Variants in CDKL5 observed in about 807,000 individuals in gnomAD.
CDKL5 encodes cyclin-dependent kinase-like 5.
CDKL5 carries 8 observed loss-of-function variants against 61.7 expected under a neutral mutation model. The ratio of observed to expected loss-of-function variants is 0.13; its 90% CI spans 0.08 to 0.23. The LOEUF (loss-of-function observed/expected upper bound fraction) is 0.23. Among genes scored for constraint, CDKL5 ranks in the 10% least tolerant of loss-of-function variants. CDKL5 has a pLI of 1.00. For synonymous variants in CDKL5, 275 were observed against 272.3 expected, an observed-to-expected ratio of 1.01 and a Z score of -0.10; for missense variants, 440 against 734.5, an observed-to-expected ratio of 0.60 and a Z score of 4.63.
intron 1 of CDKL5, among the ~76,000 whole-genome samples, chrX:18,470,610 T>C (rs922965160): frequency 9.0e-6 from 1 of 110,897 alleles, no homozygotes; most frequent in African/African-American, 3.3e-5. Context: ...ACTTATATGG[T>C]AATCAGACTG....
intron 20 of CDKL5, chrX:18,650,290 A>T: frequency 3.1e-6 from 2 of 635,683 alleles, no homozygotes; most frequent in Non-Finnish European, 5.2e-6. Flanking sequence ...TGGATGCTGT[A>T]CTTACTCCCC....
intron 1 of CDKL5, among the ~76,000 whole-genome samples, chrX:18,433,401 T>G (rs929291642): frequency 9.0e-6 from 1 of 110,960 alleles, no homozygotes; most frequent in African/African-American, 3.3e-5. Context: ...AAATACAAAA[T>G]TAGCCGGGCC....
At chrX:18,590,882 A>C (rs1301784950) in intron 9 of CDKL5, among the ~76,000 whole-genome samples, 1 of 111,852 alleles carries the variant, frequency 8.9e-6, no homozygotes, top group Non-Finnish European at 1.9e-5. Context: ...AATCAATCTA[A>C]ACTCCTTGCC....
At chrX:18,647,986 G>A (rs994608984) in intron 20 of CDKL5, among the ~76,000 whole-genome samples, 14 of 111,657 alleles carry the variant, frequency 1.3e-4, no homozygotes, top group African/African-American at 3.9e-4. Flanking sequence ...CCCAAAGGTG[G>A]TTCTTCTGTG....
At chrX:18,653,276 GA>G (rs771716703) in intron 21 of CDKL5, among the ~76,000 whole-genome samples, 5 of 111,901 alleles carry the variant, frequency 4.5e-5, no homozygotes, top group African/African-American at 6.5e-5. Context: ...GGAAGAGACA[GA>G]GCTTTTAGTA....
chrX:18,630,066 G>A lies in CDKL5; in HGVS notation c.*1309G>A. On this transcript the variant is annotated 3_prime_UTR_variant, in exon 18 of 18. Transcript: ENST00000623535. Reference sequence around the variant, plus strand: ...ATTTCTGAATGCCTTTTTTGCTATTGCTCTCTCCAATACCATATTTAAAAG... The same window carrying A: ...ATTTCTGAATGCCTTTTTTGCTATTACTCTCTCCAATACCATATTTAAAAG... 5 of 752,704 alleles carry A rather than the reference G, an allele frequency of 6.6e-6. No homozygotes were observed. Among genetic ancestry groups the A allele is most frequent in the Non-Finnish European group, 7.8e-6 (5 of 638,348 alleles). The allele number at this position is 752,704 out of a possible 1,213,427, so 62.0% of individuals were successfully genotyped here.
intron 1 of CDKL5, among the ~76,000 whole-genome samples, chrX:18,439,708 C>T (rs186215915): frequency 9.2e-6 from 1 of 109,113 alleles, no homozygotes; most frequent in East Asian, 2.9e-4. Flanking sequence ...GTGGTGGCTC[C>T]CACCTGTAAT....
At chrX:18,513,085 C>T (rs1481339794) in intron 3 of CDKL5, among the ~76,000 whole-genome samples, 1 of 111,814 alleles carries the variant, frequency 8.9e-6, no homozygotes, top group African/African-American at 3.2e-5. Flanking sequence ...TATTACACAT[C>T]ATGTACAGAG....
chrX:18,509,713 A>T (rs1922755679), intron 2 of CDKL5, among the ~76,000 whole-genome samples: 1 of 111,849 alleles, frequency 8.9e-6, no homozygotes, highest in African/African-American at 3.3e-5. Context: ...GTAACCCCAA[A>T]GGTAGTTACT....
rs1330533300 is a variant in CDKL5 at position 18,636,578 on chromosome X, T to TG, written c.*7823dup. 1 of 110,705 alleles carries TG rather than the reference T, an allele frequency of 9.0e-6. No individual in the cohort carries two copies. Among genetic ancestry groups the TG allele is most frequent in the Non-Finnish European group, 1.9e-5 (1 of 53,040 alleles). 9.1% of individuals were successfully genotyped at this position (110,705 alleles called of 1,213,427 possible). Reference sequence around the variant, plus strand: ...CACTGCACGTCCACGTATGGTAATGTGGTCACAATCAGTATTGTTTCTCTT... The same window carrying TG: ...CACTGCACGTCCACGTATGGTAATGTGGGTCACAATCAGTATTGTTTCTCTT... On this transcript the variant is annotated 3_prime_UTR_variant, in exon 18 of 18. Transcript: ENST00000623535.
At chrX:18,431,294 T>C (rs2147615426) in intron 1 of CDKL5, among the ~76,000 whole-genome samples, 1 of 112,399 alleles carries the variant, frequency 8.9e-6, no homozygotes, top group Admixed American at 9.4e-5. Flanking sequence ...AAAATCACTT[T>C]TGTTACCTAT....
At chrX:18,479,389 C>T (rs1602215464) in intron 1 of CDKL5, among the ~76,000 whole-genome samples, 1 of 101,587 alleles carries the variant, frequency 9.8e-6, no homozygotes, top group Non-Finnish European at 2.0e-5. Flanking sequence ...GCACGATCTC[C>T]GCTCACTGCA....
chrX:18,651,264 TGAGAGA>T lies in CDKL5; in HGVS notation c.2980+691_2980+696del, dbSNP rs1191836877. Among the ~76,000 whole-genome samples the T allele has an allele frequency of 1.7e-3, 117 of 69,010 alleles. 1 individual carries two copies. The highest frequency in any genetic ancestry group is 6.2e-3 in the African/African-American group (99 of 15,979). 59.9% of individuals were successfully genotyped at this position (69,010 alleles called of 115,157 possible). ...GTGTGTGTGTGTGTGTGTGTGTGTG[TGAGAGA>T]GAGAGAGAGAGAGAGAGACAGAGAG... On this transcript the variant is annotated intron_variant, in intron 21 of 21. Coordinates refer to the CDKL5 transcript ENST00000379989.
chrX:18,619,996 TAAC>T (rs1360830896), intron 16 of CDKL5, 30 bp downstream of exon 16: 16 of 901,824 alleles, frequency 1.8e-5, no homozygotes, highest in African/African-American at 3.9e-5. Context: ...CTATATATAA[TAAC>T]ATGTTTCTGC....
At chrX:18,523,461 C>T (rs1212373339) in intron 3 of CDKL5, among the ~76,000 whole-genome samples, 1 of 111,684 alleles carries the variant, frequency 9.0e-6, no homozygotes, top group African/African-American at 3.3e-5. Flanking sequence ...GAACTTCATT[C>T]CTTTATATGA....
intron 1 of CDKL5, among the ~76,000 whole-genome samples, chrX:18,474,453 C>G (rs1411163680): frequency 9.0e-6 from 1 of 111,686 alleles, no homozygotes; most frequent in East Asian, 2.8e-4. Context: ...TTCCCTCATC[C>G]TCAACAATCC....
chrX:18,502,745 A>C (rs1456045110), intron 1 of CDKL5, among the ~76,000 whole-genome samples: 4 of 111,589 alleles, frequency 3.6e-5, no homozygotes, highest in African/African-American at 1.3e-4. Flanking sequence ...ACCCTGTCTT[A>C]ATTTCCCTCA....
At chrX:18,478,152 C>G (rs1194020343) in intron 1 of CDKL5, among the ~76,000 whole-genome samples, 1 of 110,180 alleles carries the variant, frequency 9.1e-6, no homozygotes, top group African/African-American at 3.3e-5. Flanking sequence ...CTTTATTTTG[C>G]CATCATTTTT....
intron 1 of CDKL5, among the ~76,000 whole-genome samples, chrX:18,437,051 C>G (rs1931627723): frequency 9.1e-6 from 1 of 110,475 alleles, no homozygotes; most frequent in Admixed American, 9.8e-5. Context: ...TGTCCTAAAT[C>G]TCCTGGGAAA....
Sources: allele counts gnomAD v4.1 joint callset (sites outside exome capture counted in the v4.1 genomes callset), GRCh38; gene constraint gnomAD v4.1.1; transcripts MANE v1.5; gene names NCBI Gene and HGNC (gene_info 2026-07-23, HGNC 2026-07-21).